The following SRRM1 variants were observed in gnomAD, a reference collection of about 807,000 sequenced individuals.
The protein encoded by SRRM1 is serine/arginine repetitive matrix protein 1.
Under a neutral mutation model 110.2 loss-of-function variants are expected in SRRM1, and 19 were observed. The ratio of observed to expected loss-of-function variants is 0.17; its 90% CI spans 0.12 to 0.25. The LOEUF is 0.25. SRRM1 is among the 10% of genes least tolerant of loss of function. SRRM1 has a pLI of 1.00. For missense variants in SRRM1, 918 were observed against 1,145.8 expected, an observed-to-expected ratio of 0.80 and a Z score of 2.87; for synonymous variants, 443 against 414.9, an observed-to-expected ratio of 1.07 and a Z score of -0.82.
At chr1:24,663,570 G>A (rs1007857171) in intron 12 of SRRM1, among the ~76,000 whole-genome samples, 1 of 151,952 alleles carries the variant, frequency 6.6e-6, no homozygotes, top group South Asian at 2.1e-4. Context: ...CCTTAGATTT[G>A]GGGGGAGGGA....
At chr1:24,662,967 TTGG>T (rs1668030476) in intron 12 of SRRM1, 163 bp downstream of exon 12, 5 of 1,037,620 alleles carry the variant, frequency 4.8e-6, no homozygotes, top group South Asian at 3.5e-5. Flanking sequence ...TTTTGCTTTA[TTGG>T]TGGTTATTAA....
In SRRM1 at chr1:24,652,515, G is replaced by A. The variant is rs769109288; in HGVS notation, c.807G>A (p.Lys269=). Residue 269 remains lysine (K), a synonymous_variant, in exon 7 of 17, where the codon AAG becomes AAA. Coordinates refer to ENST00000323848, the MANE Select transcript of SRRM1 (RefSeq NM_005839.4). ...CGGAAAAAAATTCCAAAAAAGAAAA[G>A]GAGAAGGAGAAGACCCGACCACGAT... ...PSPEKNSKKE[K]EKEKTRPRSR... 2.5e-6 allele frequency: 4 copies of A among 1,609,130 alleles called. No individual in the cohort carries two copies. Among genetic ancestry groups the A allele is most frequent in the Non-Finnish European group, 3.4e-6 (4 of 1,177,938 alleles).
At chr1:24,667,945 T>C (rs889727697) in intron 13 of SRRM1, among the ~76,000 whole-genome samples, 18 of 150,976 alleles carry the variant, frequency 1.2e-4, no homozygotes, top group African/African-American at 3.9e-4. Flanking sequence ...TGCCAAGCAA[T>C]GTAATGACAT....
intron 8 of SRRM1, among the ~76,000 whole-genome samples, chr1:24,653,910 G>A (rs1196050199): frequency 2.0e-5 from 3 of 152,302 alleles, no homozygotes; most frequent in Non-Finnish European, 2.9e-5. Flanking sequence ...GAAAAATCAA[G>A]TAAGCTCTGT....
At chr1:24,660,940 A>G in intron 10 of SRRM1, 141 bp downstream of exon 10, 4 of 561,062 alleles carry the variant, frequency 7.1e-6, no homozygotes, top group Non-Finnish European at 1.3e-5. Context: ...CTGAAGGCAG[A>G]CAGACTTGGG....
rs1227599353 is a variant in SRRM1, at chr1:24,670,321, T to C, written c.2400+6T>C. The C allele has an allele frequency of 6.3e-7, 1 of 1,597,974 alleles. No homozygotes were observed. The highest frequency in any genetic ancestry group is 8.5e-7 in the Non-Finnish European group (1 of 1,172,948). The stretch of plus-strand genomic sequence containing the variant: ...CGAGCCCATCACCGCCAAGAGTATG[T>C]GTCTGCCTTATTTTGGACACCCTTT... On this transcript the variant is annotated splice_donor_region_variant and intron_variant, in intron 15 of 16. Transcript: ENST00000323848.
intron 12 of SRRM1, among the ~76,000 whole-genome samples, chr1:24,665,656 TAAGCCCAG>T (rs1669626162): frequency 6.6e-6 from 1 of 152,054 alleles, no homozygotes; most frequent in Admixed American, 6.6e-5. Flanking sequence ...GAGCTTGCAG[TAAGCCCAG>T]ATCGTGCCAG....
rs1198291009 is a variant in SRRM1, at chr1:24,655,027, G to C, written c.1213G>C (p.Ala405Pro). Reference protein sequence around the residue: ...PRRRHRPSPPATPPPKTRHSP... With the variant: ...PRRRHRPSPPPTPPPKTRHSP... ...GCGAAGGCACAGGCCATCACCTCCT[G>C]CAACTCCACCACCCAAAACTCGGCA... Residue 405 changes from alanine to proline, a missense_variant, in exon 9 of 17, where the codon GCA (alanine) becomes CCA (proline). Transcript: ENST00000323848. The C allele has an allele frequency of 1.2e-6, 2 of 1,613,982 alleles. No individual in the cohort carries two copies. Among genetic ancestry groups the C allele is most frequent in the Non-Finnish European group, 1.7e-6 (2 of 1,180,030 alleles).
Position 24,643,462 on chromosome 1 carries a change from A to G in SRRM1, c.21+115A>G, listed in dbSNP as rs1355425508. 5 of 564,656 alleles carry G rather than the reference A, an allele frequency of 8.9e-6. No homozygotes were observed. In the African/African-American group the frequency reaches 9.9e-5, roughly 11 times the overall value. 35.0% of individuals were successfully genotyped at this position (564,656 alleles called of 1,614,324 possible). A position where few individuals can be genotyped will look rare whatever the true frequency, so the allele number is the denominator to read the frequency against. On this transcript the variant is annotated intron_variant, in intron 1 of 16. Coordinates refer to ENST00000323848, the MANE Select transcript of SRRM1 (RefSeq NM_005839.4). Reference sequence around the variant, plus strand: ...GAGGGGAGCTTCGGAGATCTTAAGGATTCCTCCTAGAGCCGGCGCACCCCC... The same window carrying G: ...GAGGGGAGCTTCGGAGATCTTAAGGGTTCCTCCTAGAGCCGGCGCACCCCC...
intron 14 of SRRM1, 86 bp from the exon 15 acceptor site, chr1:24,670,034 C>G: frequency 8.4e-7 from 1 of 1,187,998 alleles, no homozygotes; most frequent in Non-Finnish European, 1.2e-6. Context: ...AAATTCATAA[C>G]CTGGTTGTAC....
chr1:24,659,661 C>T (rs1356562592), intron 9 of SRRM1, among the ~76,000 whole-genome samples: 1 of 152,164 alleles, frequency 6.6e-6, no homozygotes, highest in African/African-American at 2.4e-5. Context: ...CTTAAATTGT[C>T]TTTGTGACTG....
At chr1:24,663,360 T>G in intron 12 of SRRM1, 1 of 553,670 alleles carries the variant, frequency 1.8e-6, no homozygotes, top group East Asian at 3.1e-5. Flanking sequence ...CTAAGTTGTT[T>G]TGGTTTGAGT....
intron 15 of SRRM1, among the ~76,000 whole-genome samples, chr1:24,670,528 C>A (rs1362610279): frequency 6.6e-6 from 1 of 152,162 alleles, no homozygotes; most frequent in East Asian, 1.9e-4. Flanking sequence ...GACAGGGTCT[C>A]ATGCTGTCAC....
rs1209449120 is a variant in SRRM1, at chr1:24,662,578, C to T, written c.1484-82C>T. 2.8e-6 allele frequency: 4 copies of T among 1,442,334 alleles called. No individual in the cohort carries two copies. In the Admixed American group the frequency reaches 5.5e-5, roughly 20 times the overall value. 89.3% of individuals were successfully genotyped at this position (1,442,334 alleles called of 1,614,324 possible). A position where few individuals can be genotyped will look rare whatever the true frequency, so the allele number is the denominator to read the frequency against. On this transcript the variant is annotated intron_variant, in intron 11 of 16. Transcript: ENST00000323848. Reference sequence around the variant, plus strand: ...ACATGCTTGCTTACCCTAGTGAACACTCCATCCACCTAGATTTCAGAAAAC... The same window carrying T: ...ACATGCTTGCTTACCCTAGTGAACATTCCATCCACCTAGATTTCAGAAAAC...
chr1:24,644,576 T>G (rs1656193283), intron 1 of SRRM1, among the ~76,000 whole-genome samples: 1 of 151,966 alleles, frequency 6.6e-6, no homozygotes, highest in African/African-American at 2.4e-5. Context: ...TGCCAACGAG[T>G]TTTTCGTCAT....
At position 24,654,941 on chromosome 1, in the gene SRRM1, A is replaced by G. The variant is rs762184726; in HGVS notation, c.1127A>G (p.Lys376Arg). The G allele has an allele frequency of 6.2e-7, 1 of 1,614,176 alleles. No individual in the cohort carries two copies. Among genetic ancestry groups the G allele is most frequent in the Admixed American group, 1.7e-5 (1 of 60,020 alleles). Reference protein sequence around the residue: ...RSRSPPKKPPKRTSSPPRKTR... With the variant: ...RSRSPPKKPPRRTSSPPRKTR... ...CGGTCACCACCAAAGAAGCCTCCCA[A>G]GAGGACATCCAGCCCCCCTCGGAAA... The change falls in exon 9 of 17, where the codon AAG becomes AGG. Residue 376 changes from lysine (K) to arginine (R), a missense_variant. By Grantham distance (26) the Lys-to-Arg change is conservative. Coordinates refer to ENST00000323848, the MANE Select transcript of SRRM1 (RefSeq NM_005839.4).
rs532241230 is a variant in SRRM1 at position 24,654,493 on chromosome 1, A to C, written c.1041-362A>C. The C allele has an allele frequency of 6.9e-5, 46 of 671,016 alleles. No homozygotes were observed. The African/African-American group carries it at 7.8e-4, about 11-fold the overall frequency. 41.6% of individuals were successfully genotyped at this position (671,016 alleles called of 1,614,324 possible). A position where few individuals can be genotyped will look rare whatever the true frequency, so the allele number is the denominator to read the frequency against. ...AAGGTTTCTCAACATTGTGTTATTA[A>C]ATGGAAAATACCTTGCCCCCAAATT... On this transcript the variant is annotated intron_variant, in intron 8 of 16. Transcript: ENST00000323848.
chr1:24,645,112 G>C (rs937631166), intron 1 of SRRM1, among the ~76,000 whole-genome samples: 8 of 152,120 alleles, frequency 5.3e-5, no homozygotes. Context: ...CTTTACATAT[G>C]TTATTTCTGG....
intron 2 of SRRM1, 58 bp downstream of exon 2, chr1:24,646,131 T>C (rs1304404525): frequency 7.3e-7 from 1 of 1,367,574 alleles, no homozygotes; most frequent in Non-Finnish European, 1.0e-6. Flanking sequence ...TGACTCAAGT[T>C]CTGGGGTTGT....
Sources: allele counts gnomAD v4.1 joint callset (sites outside exome capture counted in the v4.1 genomes callset), GRCh38; gene constraint gnomAD v4.1.1; transcripts MANE v1.5; gene names NCBI Gene and HGNC (gene_info 2026-07-23, HGNC 2026-07-21).